WTIP: variants seen among roughly 807,000 people sequenced by gnomAD.
WTIP encodes Wilms tumor protein 1-interacting protein.
In WTIP, 23 loss-of-function variants were observed where a neutral mutation model predicts 41.7. The observed-to-expected ratio is 0.55, with a 90% CI of 0.40 to 0.78. The LOEUF (loss-of-function observed/expected upper bound fraction) is 0.78, where lower values mean the gene tolerates loss of function less well. Ranked by LOEUF, WTIP falls within the 30% of genes least tolerant of loss-of-function variation. WTIP has a pLI of 0.00. For synonymous variants in WTIP, 314 were observed against 269.9 expected (o/e 1.16, Z -1.60); for missense variants, 619 against 610.5 (o/e 1.01, Z -0.15).
At chr19:34,498,370 C>G (rs534441127) in intron 7 of WTIP, among the ~76,000 whole-genome samples, 9 of 152,172 alleles carry the variant, frequency 5.9e-5, no homozygotes, top group African/African-American at 1.9e-4. Context: ...GTGGACACTT[C>G]CTTCCGGGCC....
intron 1 of WTIP, among the ~76,000 whole-genome samples, chr19:34,488,345 A>T (rs1211787438): frequency 6.6e-6 from 1 of 151,852 alleles, no homozygotes; most frequent in Non-Finnish European, 1.5e-5. Flanking sequence ...AAGTGCTGAG[A>T]TTACAGGCGT....
chr19:34,490,798 T>A, intron 2 of WTIP, among the ~76,000 whole-genome samples: 1 of 152,168 alleles, frequency 6.6e-6, no homozygotes. Flanking sequence ...GACATACGAC[T>A]AATATTTCTT....
Position 34,493,758 on chromosome 19 carries a change from C to T in WTIP, c.1031+136C>T, listed in dbSNP as rs2075838661. ...TTCCGCCTCCCCTTGTACACCTGGG[C>T]TTGGGGCAGGCATGTGTCTCTGCCT... On this transcript the variant is annotated intron_variant, in intron 5 of 7. Transcript: ENST00000590071. The surrounding 1 kb of genome is among the most constrained non-coding windows in gnomAD (Gnocchi z 4.1). The T allele has an allele frequency of 7.9e-7, 1 of 1,263,260 alleles. No individual in the cohort carries two copies. Among genetic ancestry groups the T allele is most frequent in the Non-Finnish European group, 1.1e-6 (1 of 900,576 alleles). The allele number at this position is 1,263,260 out of a possible 1,614,324, so 78.3% of individuals were successfully genotyped here. A position where few individuals can be genotyped will look rare whatever the true frequency, so the allele number is the denominator to read the frequency against.
chr19:34,500,557 G>C lies in WTIP; in HGVS notation c.*288G>C, dbSNP rs918073678. ...GTAGGCCGTGGGTCACCAGGCTGGA[G>C]AGGGCCCCTGCCTTGGCCAGGGGTG... On this transcript the variant is annotated 3_prime_UTR_variant, in exon 8 of 8. Transcript: ENST00000590071. 1.9e-5 allele frequency: 7 copies of C among 371,512 alleles called. No individual in the cohort carries two copies. The highest frequency in any genetic ancestry group is 1.0e-4 in the African/African-American group (5 of 48,870). 23.0% of individuals were successfully genotyped at this position (371,512 alleles called of 1,614,324 possible).
At chr19:34,482,776 G>A (rs1170766995) in intron 1 of WTIP, 135 bp downstream of exon 1, 1 of 1,201,082 alleles carries the variant, frequency 8.3e-7, no homozygotes, top group Non-Finnish European at 1.0e-6. Flanking sequence ...ACGGGGTTGG[G>A]ACGAGGAAGG....
At chr19:34,499,682 C>T (rs980217803) in intron 7 of WTIP, among the ~76,000 whole-genome samples, 1 of 152,116 alleles carries the variant, frequency 6.6e-6, no homozygotes, top group Non-Finnish European at 1.5e-5. Flanking sequence ...TCCCATACCC[C>T]CTCTGGCAGA....
At position 34,481,915 on chromosome 19, in the gene WTIP, G is replaced by GAAA. The variant is rs2075768320; in HGVS notation, c.-60_-59insAAA. 5 of 956,298 alleles carry GAAA rather than the reference G, an allele frequency of 5.2e-6. No homozygotes were observed. The highest frequency in any genetic ancestry group is 6.2e-6 in the Non-Finnish European group (5 of 804,254). The allele number at this position is 956,298 out of a possible 1,614,324, so 59.2% of individuals were successfully genotyped here. ...TTCGGGCGGACGATGCGGCGGCCCG[G>GAAA]CCGGAGCGGCGGCGGGAAGCGGAGG... On this transcript the variant is annotated 5_prime_UTR_variant, in exon 1 of 8. Coordinates refer to ENST00000590071, the MANE Select transcript of WTIP (RefSeq NM_001080436.2).
chr19:34,483,718 A>C (rs1655814601), intron 1 of WTIP, among the ~76,000 whole-genome samples: 1 of 152,124 alleles, frequency 6.6e-6, no homozygotes, highest in Non-Finnish European at 1.5e-5. Flanking sequence ...AGTTCTTGGG[A>C]CAGCTCTTGG....
chr19:34,493,746 T>A lies in WTIP; in HGVS notation c.1031+124T>A, dbSNP rs2075838603. The A allele has an allele frequency of 1.5e-6, 2 of 1,350,262 alleles. No individual in the cohort carries two copies. The highest frequency in any genetic ancestry group is 2.6e-5 in the South Asian group (2 of 76,152). The allele number at this position is 1,350,262 out of a possible 1,614,324, so 83.6% of individuals were successfully genotyped here. A position where few individuals can be genotyped will look rare whatever the true frequency, so the allele number is the denominator to read the frequency against. ...TGGCCTTTTGCCTTCCGCCTCCCCT[T>A]GTACACCTGGGCTTGGGGCAGGCAT... On this transcript the variant is annotated intron_variant, in intron 5 of 7. Transcript: ENST00000590071. This position sits in a 1 kb window ranked among gnomAD's most constrained non-coding sequence, Gnocchi z 4.1.
chr19:34,496,796 CG>C (rs894288240), intron 7 of WTIP, among the ~76,000 whole-genome samples: 3 of 151,680 alleles, frequency 2.0e-5, no homozygotes, highest in African/African-American at 7.3e-5. Context: ...TGTAAGTGGG[CG>C]GGGGTTCAGC....
chr19:34,484,275 G>T (rs2075786317), intron 1 of WTIP, among the ~76,000 whole-genome samples: 1 of 152,118 alleles, frequency 6.6e-6, no homozygotes, highest in African/African-American at 2.4e-5. Flanking sequence ...GGCCAGGTGG[G>T]GGCATTCCAG....
chr19:34,495,750 C>G lies in WTIP; in HGVS notation c.1131C>G (p.His377Gln). 6.2e-7 allele frequency: 1 copy of G among 1,613,854 alleles called. No individual in the cohort carries two copies. Among genetic ancestry groups the G allele is most frequent in the Non-Finnish European group, 8.5e-7 (1 of 1,179,962 alleles). Reference sequence around the variant, plus strand: ...TGGTGTCCATGGACAGAGACTACCACGTGGCATGTTACCACTGTGAGGTGA... The same window carrying G: ...TGGTGTCCATGGACAGAGACTACCAGGTGGCATGTTACCACTGTGAGGTGA... ...IRVVSMDRDY[H>Q]VACYHCEDCG... Residue 377 changes from histidine (H) to glutamine (Q), a missense_variant, in exon 7 of 8, where the codon CAC becomes CAG. His to Gln is a conservative substitution (Grantham distance 24). This residue lies in a region of WTIP where 92 missense variants were observed against 82.4 expected (regional missense o/e 1.12). Transcript: ENST00000590071.
At chr19:34,495,635 G>T in intron 6 of WTIP, 68 bp from the exon 7 acceptor site, 1 of 1,558,428 alleles carries the variant, frequency 6.4e-7, no homozygotes, top group South Asian at 1.1e-5. Context: ...GTGTGGGAGT[G>T]TACACTCACG....
chr19:34,495,736 G>A lies in WTIP; in HGVS notation c.1117G>A (p.Asp373Asn). Residue 373 changes from aspartate to asparagine, a missense_variant, in exon 7 of 8, where the codon GAC (aspartate) becomes AAC (asparagine). This residue lies in a region of WTIP where 92 missense variants were observed against 82.4 expected (regional missense o/e 1.12). Coordinates refer to ENST00000590071, the MANE Select transcript of WTIP (RefSeq NM_001080436.2). ...CETTIRVVSM[D>N]RDYHVACYHC... ...GACAACCATCCGTGTGGTGTCCATGGACAGAGACTACCACGTGGCATGTTA... is the reference window on the plus strand; with the variant it reads ...GACAACCATCCGTGTGGTGTCCATGAACAGAGACTACCACGTGGCATGTTA... 6.2e-7 allele frequency: 1 copy of A among 1,613,956 alleles called. No individual in the cohort carries two copies. Among genetic ancestry groups the A allele is most frequent in the African/African-American group, 1.3e-5 (1 of 75,070 alleles).
At chr19:34,499,017 T>C (rs2075870495) in intron 7 of WTIP, among the ~76,000 whole-genome samples, 1 of 150,288 alleles carries the variant, frequency 6.7e-6, no homozygotes, top group South Asian at 2.1e-4. Context: ...AAGATCAGCC[T>C]GATCAGCATA....
rs1391668789 is a variant in WTIP, at chr19:34,509,685, T to C, written c.*9416T>C. The C allele has an allele frequency of 1.3e-5, 2 of 152,158 alleles. No individual in the cohort carries two copies. Among genetic ancestry groups the C allele is most frequent in the Non-Finnish European group, 2.9e-5 (2 of 68,030 alleles). The allele number at this position is 152,158 out of a possible 1,614,324, so 9.4% of individuals were successfully genotyped here. On this transcript the variant is annotated 3_prime_UTR_variant, in exon 8 of 8. Transcript: ENST00000590071. ...CAAATCCAGAGTCCAAAGTCTAATC[T>C]GAGACAAGGCAAGGCCCTTCCACCT...
rs1320013657 is a variant in WTIP, at chr19:34,482,290, C to G, written c.316C>G (p.Arg106Gly). 7.5e-7 allele frequency: 1 copy of G among 1,342,026 alleles called. No individual in the cohort carries two copies. Among genetic ancestry groups the G allele is most frequent in the South Asian group, 1.6e-5 (1 of 64,376 alleles). 83.1% of individuals were successfully genotyped at this position (1,342,026 alleles called of 1,614,324 possible). ...CGGCGGCGGCGGTGGCGGCAGCGCC[C>G]GATCCAGCGGCATCAGCCTGGGCTA... is the stretch of plus-strand genomic sequence containing the variant. ...SDGGGGGGSA[R>G]SSGISLGYDQ... The change falls in exon 1 of 8, where the codon CGA becomes GGA. Residue 106 changes from arginine to glycine, a missense_variant. Transcript: ENST00000590071.
intron 5 of WTIP, among the ~76,000 whole-genome samples, chr19:34,494,023 C>T (rs1003418459): frequency 3.2e-4 from 48 of 152,152 alleles, no homozygotes; most frequent in African/African-American, 9.7e-4. Context: ...TTCCTCCTAC[C>T]GTGACTCCAG....
Position 34,512,261 on chromosome 19 carries a change from T to C in WTIP, c.*11992T>C, listed in dbSNP as rs543431490. ...TTGGCATCATGAGGACCCCACGTAT[T>C]GTACTTTGATAAAGTTAATAAATGG... On this transcript the variant is annotated 3_prime_UTR_variant, in exon 8 of 8. Transcript: ENST00000590071. 2 of 152,334 alleles carry C rather than the reference T, an allele frequency of 1.3e-5. No individual in the cohort carries two copies. The highest frequency in any genetic ancestry group is 4.8e-5 in the African/African-American group (2 of 41,562). The allele number at this position is 152,334 out of a possible 1,614,324, so 9.4% of individuals were successfully genotyped here.
Sources: allele counts gnomAD v4.1 joint callset (sites outside exome capture counted in the v4.1 genomes callset), GRCh38; gene constraint gnomAD v4.1.1; regional missense constraint gnomAD v4.1.1; non-coding constraint Gnocchi (gnomAD v3.1); transcripts MANE v1.5; gene names NCBI Gene and HGNC (gene_info 2026-07-23, HGNC 2026-07-21).